Variants in MSRA observed in about 807,000 individuals in gnomAD.
MSRA encodes methionine sulfoxide reductase A.
MSRA carries 54 observed loss-of-function variants against 31.3 expected under a neutral mutation model. The observed-to-expected ratio is 1.73, with a 90% CI of 1.39 to 2.17. MSRA has a LOEUF of 2.17. Ranked by LOEUF, MSRA falls within the 30% of genes most tolerant of loss-of-function variation. The pLI is 0.00. For synonymous variants in MSRA, 169 were observed against 116.5 expected (o/e 1.45, Z -2.90); for missense variants, 507 against 300.9 (o/e 1.69, Z -5.07).
chr8:10,118,273 T>C (rs1159952895), intron 1 of MSRA, among the ~76,000 whole-genome samples: 3 of 152,176 alleles, frequency 2.0e-5, no homozygotes, highest in Non-Finnish European at 4.4e-5. Context: ...TAATGACTCT[T>C]TCATTCATTT....
At chr8:10,184,630 C>A (rs572221691) in intron 1 of MSRA, among the ~76,000 whole-genome samples, 1 of 152,250 alleles carries the variant, frequency 6.6e-6, no homozygotes, top group African/African-American at 2.4e-5. Flanking sequence ...CTAAGGATGC[C>A]TTGTCTGATG....
chr8:10,277,236 CAAT>C (rs1181670252), intron 3 of MSRA, among the ~76,000 whole-genome samples: 1 of 152,150 alleles, frequency 6.6e-6, no homozygotes, highest in Admixed American at 6.5e-5. Flanking sequence ...TTTCTCCTTA[CAAT>C]AATTTAGCTA....
At chr8:10,387,689 G>A (rs1358051766) in intron 5 of MSRA, among the ~76,000 whole-genome samples, 1 of 152,198 alleles carries the variant, frequency 6.6e-6, no homozygotes, top group African/African-American at 2.4e-5. Context: ...TCTCGGAGCT[G>A]CTCTTGGAAG....
intron 5 of MSRA, among the ~76,000 whole-genome samples, chr8:10,391,426 C>G (rs1279278821): frequency 6.6e-6 from 1 of 152,212 alleles, no homozygotes; most frequent in Non-Finnish European, 1.5e-5. Context: ...AGCACACTGT[C>G]TGGGACTTAG....
chr8:10,123,091 C>A (rs1039956629), intron 1 of MSRA, among the ~76,000 whole-genome samples: 2 of 152,204 alleles, frequency 1.3e-5, no homozygotes, highest in Non-Finnish European at 2.9e-5. Context: ...GTTTTTAGCT[C>A]TTCGAGGAAT....
At chr8:10,150,416 A>T (rs543197833) in intron 1 of MSRA, among the ~76,000 whole-genome samples, 5 of 152,350 alleles carry the variant, frequency 3.3e-5, no homozygotes, top group African/African-American at 1.2e-4. Context: ...TTAATTATCT[A>T]TTCAGTGATA....
chr8:10,386,216 A>T (rs565541741), intron 5 of MSRA, among the ~76,000 whole-genome samples: 1 of 152,290 alleles, frequency 6.6e-6, no homozygotes, highest in East Asian at 1.9e-4. Context: ...GACCTCGGAG[A>T]GGGGAAACGA....
chr8:10,135,855 G>A (rs376865018), intron 1 of MSRA, among the ~76,000 whole-genome samples: 1 of 152,238 alleles, frequency 6.6e-6, no homozygotes, highest in East Asian at 1.9e-4. Flanking sequence ...CAGACACGTG[G>A]GTCTTTTCAC....
Position 10,331,050 on chromosome 8 carries a change from T to C in MSRA, c.543+11061T>C, listed in dbSNP as rs529720275. On this transcript the variant is annotated intron_variant, in intron 5 of 5. Coordinates refer to ENST00000317173, the MANE Select transcript of MSRA (RefSeq NM_012331.5). ...TTGAGCACTCTATTGCTGTGTTTCT[T>C]GCTGCACACAGAAGTCATGTGAACA... 2.2e-3 allele frequency among the ~76,000 whole-genome samples: 336 copies of C among 152,316 alleles called. 3 individuals are homozygous for C. Among genetic ancestry groups the C allele is most frequent in the African/African-American group, 7.8e-3 (325 of 41,556 alleles).
intron 3 of MSRA, among the ~76,000 whole-genome samples, chr8:10,296,904 C>T (rs1800574563): frequency 6.6e-6 from 1 of 152,204 alleles, no homozygotes; most frequent in African/African-American, 2.4e-5. Flanking sequence ...CCACAGCTCA[C>T]CGGCTCTCTC....
At chr8:10,091,791 G>C (rs530809124) in intron 1 of MSRA, among the ~76,000 whole-genome samples, 3 of 152,206 alleles carry the variant, frequency 2.0e-5, no homozygotes, top group East Asian at 1.9e-4. Context: ...AGTTTTAGTA[G>C]AGGTGGGATT....
At chr8:10,253,934 C>A (rs952134299) in intron 3 of MSRA, among the ~76,000 whole-genome samples, 29 of 151,914 alleles carry the variant, frequency 1.9e-4, no homozygotes, top group African/African-American at 1.2e-4. Context: ...TGCAACAAGA[C>A]AGAAAAACAC....
chr8:10,129,773 G>C (rs75396055), intron 1 of MSRA, among the ~76,000 whole-genome samples: 2 of 152,162 alleles, frequency 1.3e-5, no homozygotes, highest in African/African-American at 4.8e-5. Context: ...GTTTGTAAGT[G>C]GCTGAGTTGA....
chr8:10,266,786 A>T (rs921413756), intron 3 of MSRA, among the ~76,000 whole-genome samples: 1 of 152,206 alleles, frequency 6.6e-6, no homozygotes, highest in Non-Finnish European at 1.5e-5. Flanking sequence ...AATATAGCAA[A>T]AGGCACATAT....
chr8:10,058,595 A>G (rs770987408), intron 1 of MSRA, among the ~76,000 whole-genome samples: 8 of 152,336 alleles, frequency 5.3e-5, no homozygotes, highest in South Asian at 4.1e-4. Flanking sequence ...TAAAGAGCAG[A>G]TAATTCCAGA....
intron 1 of MSRA, among the ~76,000 whole-genome samples, chr8:10,141,811 AG>A (rs1248203587): frequency 1.2e-4 from 18 of 152,128 alleles, no homozygotes; most frequent in African/African-American, 4.3e-4. Context: ...ACTTGGCAGC[AG>A]GTTTTTTGCC....
intron 4 of MSRA, among the ~76,000 whole-genome samples, chr8:10,317,396 C>A (rs1171376819): frequency 6.6e-6 from 1 of 152,222 alleles, no homozygotes; most frequent in African/African-American, 2.4e-5. Context: ...AAGTCATCAT[C>A]TTATGCTTCA....
At position 10,318,791 on chromosome 8, in the gene MSRA, T is replaced by G. The variant is rs1282290661; in HGVS notation, c.437-1092T>G. 2.6e-5 allele frequency among the ~76,000 whole-genome samples: 4 copies of G among 152,196 alleles called. No individual in the cohort carries two copies. The East Asian group carries it at 7.7e-4, about 29-fold the overall frequency. On this transcript the variant is annotated intron_variant, in intron 4 of 5. Transcript: ENST00000317173. ...CATCTTTCCCAGTGAAGCATCTTTGTCATCTGGGCTTCACGCTTGAGGGTA... is the reference window on the plus strand; with the variant it reads ...CATCTTTCCCAGTGAAGCATCTTTGGCATCTGGGCTTCACGCTTGAGGGTA...
rs528853700 is a variant in MSRA at position 10,344,473 on chromosome 8, C to T, written c.543+24484C>T. Among the ~76,000 whole-genome samples, 18 of 144,984 alleles carry T rather than the reference C, an allele frequency of 1.2e-4. 1 individual carries two copies. In the South Asian group the frequency reaches 4.1e-3, roughly 33 times the overall value. ...CCTGAAGTCCCAGCTACTGGGGAGGCTGAGGCAGGAGAATCGCTTGAACCT... is the reference window on the plus strand; with the variant it reads ...CCTGAAGTCCCAGCTACTGGGGAGGTTGAGGCAGGAGAATCGCTTGAACCT... On this transcript the variant is annotated intron_variant, in intron 5 of 5. Coordinates refer to ENST00000317173, the MANE Select transcript of MSRA (RefSeq NM_012331.5).
Sources: allele counts gnomAD v4.1 joint callset (sites outside exome capture counted in the v4.1 genomes callset), GRCh38; gene constraint gnomAD v4.1.1; transcripts MANE v1.5; gene names NCBI Gene and HGNC (gene_info 2026-07-23, HGNC 2026-07-21).